Variants in GRB14 observed in about 807,000 individuals in gnomAD.
GRB14 encodes growth factor receptor bound protein 14.
In GRB14, 38 loss-of-function variants were observed where a neutral mutation model predicts 69.1. That is an observed-to-expected ratio of 0.55 (90% CI 0.42 to 0.72). The LOEUF (loss-of-function observed/expected upper bound fraction) is 0.72. GRB14 is among the 30% of genes least tolerant of loss of function. The probability of loss-of-function intolerance (pLI) is 0.00; values close to 1 mark genes in which losing one functional copy is unlikely to be tolerated. For synonymous variants in GRB14, 247 were observed against 241.3 expected (o/e 1.02, Z -0.22); for missense variants, 666 against 666.1 (o/e 1.00, Z 0.00).
At chr2:164,542,922 C>T (rs1433431839) in intron 3 of GRB14, among the ~76,000 whole-genome samples, 1 of 152,182 alleles carries the variant, frequency 6.6e-6, no homozygotes, top group African/African-American at 2.4e-5. Context: ...AAGACACCTG[C>T]ACTCTTACAT....
In GRB14 at chr2:164,525,018, T is replaced by TG. The variant is rs1247386741; in HGVS notation, c.663dup (p.Thr222HisfsTer15). 6.3e-7 allele frequency: 1 copy of TG among 1,580,006 alleles called. No homozygotes were observed. Among genetic ancestry groups the TG allele is most frequent in the African/African-American group, 1.4e-5 (1 of 73,564 alleles). On this transcript the variant is annotated frameshift_variant, in exon 5 of 14. Transcript: ENST00000263915. LOFTEE classifies it high-confidence loss of function. ...ATATATTTTACCTGCAAAATCTGTG[T>TG]GGGGGATATTTCACCATTGGTTTCA...
At chr2:164,517,728 C>A (rs1401201873) in intron 6 of GRB14, among the ~76,000 whole-genome samples, 2 of 151,832 alleles carry the variant, frequency 1.3e-5, no homozygotes, top group Non-Finnish European at 2.9e-5. Flanking sequence ...TTATATCAGA[C>A]AAAACAGACT....
At chr2:164,613,961 A>C (rs1023807750) in intron 2 of GRB14, among the ~76,000 whole-genome samples, 3 of 152,214 alleles carry the variant, frequency 2.0e-5, no homozygotes, top group Admixed American at 2.0e-4. Context: ...AAGAGAAAAA[A>C]ATATAAAAAA....
At chr2:164,620,738 C>G (rs953233749) in intron 1 of GRB14, among the ~76,000 whole-genome samples, 6 of 152,082 alleles carry the variant, frequency 3.9e-5, no homozygotes, top group South Asian at 2.1e-4. Context: ...CGCTGTAAGA[C>G]TCTATGTGGG....
intron 2 of GRB14, among the ~76,000 whole-genome samples, chr2:164,577,201 T>C (rs558001608): frequency 6.6e-6 from 1 of 152,316 alleles, no homozygotes; most frequent in Admixed American, 6.5e-5. Flanking sequence ...GAACAGATCA[T>C]TTCAGTGCTA....
intron 6 of GRB14, among the ~76,000 whole-genome samples, chr2:164,515,495 C>T (rs1286017724): frequency 2.0e-5 from 3 of 152,156 alleles, no homozygotes; most frequent in Non-Finnish European, 4.4e-5. Context: ...CAGGAAGCCA[C>T]ATCCCTAGGG....
intron 3 of GRB14, among the ~76,000 whole-genome samples, chr2:164,531,836 C>T (rs773006741): frequency 1.1e-4 from 17 of 152,148 alleles, no homozygotes; most frequent in Non-Finnish European, 1.8e-4. Flanking sequence ...CAAATCAGAG[C>T]ATAGACTTAG....
At chr2:164,553,170 A>C (rs1159326635) in intron 2 of GRB14, among the ~76,000 whole-genome samples, 1 of 152,198 alleles carries the variant, frequency 6.6e-6, no homozygotes, top group Non-Finnish European at 1.5e-5. Context: ...AAAATGAAAA[A>C]CTAGAGACAT....
At chr2:164,617,750 C>A (rs1443028343) in intron 2 of GRB14, among the ~76,000 whole-genome samples, 1 of 152,164 alleles carries the variant, frequency 6.6e-6, no homozygotes, top group Non-Finnish European at 1.5e-5. Flanking sequence ...CCCGCTACCA[C>A]AACCCCAAAT....
intron 2 of GRB14, among the ~76,000 whole-genome samples, chr2:164,553,641 T>C (rs1262821154): frequency 6.6e-6 from 1 of 152,144 alleles, no homozygotes; most frequent in Non-Finnish European, 1.5e-5. Flanking sequence ...TGTTAAAAAG[T>C]CTCATTTAAT....
Position 164,621,451 on chromosome 2 carries a change from C to A in GRB14, c.-142G>T. 2.8e-6 allele frequency: 1 copy of A among 355,830 alleles called. No homozygotes were observed. Among genetic ancestry groups the A allele is most frequent in the Non-Finnish European group, 3.9e-6 (1 of 253,700 alleles). The allele number at this position is 355,830 out of a possible 1,614,324, so 22.0% of individuals were successfully genotyped here. ...GCCTCGCCGCCTGCGCTCGGGGCCC[C>A]GGCGGCTGAGACGCGCGGCCGAGCT... On this transcript the variant is annotated 5_prime_UTR_variant, in exon 1 of 14. Coordinates refer to ENST00000263915, the MANE Select transcript of GRB14 (RefSeq NM_004490.3). This position sits in a 1 kb window ranked among gnomAD's most constrained non-coding sequence, Gnocchi z 6.0.
chr2:164,553,992 C>T (rs1159993993), intron 2 of GRB14, among the ~76,000 whole-genome samples: 1 of 152,076 alleles, frequency 6.6e-6, no homozygotes, highest in Non-Finnish European at 1.5e-5. Flanking sequence ...GAAAAGACAA[C>T]TGAAGCCTTA....
intron 12 of GRB14, among the ~76,000 whole-genome samples, chr2:164,496,478 C>T (rs78189427): frequency 2.6e-5 from 4 of 152,172 alleles, no homozygotes; most frequent in East Asian, 3.9e-4. Flanking sequence ...ACTCTTTTCA[C>T]GGATCTATAT....
chr2:164,559,884 A>G (rs1177724057), intron 2 of GRB14, among the ~76,000 whole-genome samples: 1 of 152,182 alleles, frequency 6.6e-6, no homozygotes, highest in African/African-American at 2.4e-5. Context: ...TAGTGGTTGT[A>G]CTAGTTTACA....
At chr2:164,596,160 T>G (rs1045582344) in intron 2 of GRB14, among the ~76,000 whole-genome samples, 2 of 152,118 alleles carry the variant, frequency 1.3e-5, no homozygotes, top group Non-Finnish European at 2.9e-5. Flanking sequence ...ATTCTATATT[T>G]GTACTTAAAC....
intron 2 of GRB14, among the ~76,000 whole-genome samples, chr2:164,613,083 C>A (rs1453294681): frequency 6.6e-6 from 1 of 152,140 alleles, no homozygotes; most frequent in Non-Finnish European, 1.5e-5. Flanking sequence ...GACAAGGAAG[C>A]TGAGCATCCC....
At position 164,534,108 on chromosome 2, in the gene GRB14, A is replaced by G. The variant is rs115426394; in HGVS notation, c.482-6973T>C. The stretch of plus-strand genomic sequence containing the variant: ...CCTTCGAAAAAAGATTTCTAGTACT[A>G]TTCTATCAAAAATTCAGATAACATA... On this transcript the variant is annotated intron_variant, in intron 3 of 13. Coordinates refer to ENST00000263915, the MANE Select transcript of GRB14 (RefSeq NM_004490.3). Among the ~76,000 whole-genome samples, 449 of 152,338 alleles carry G rather than the reference A, an allele frequency of 2.9e-3. 1 individual carries two copies. The highest frequency in any genetic ancestry group is 0.01 in the African/African-American group (436 of 41,578).
intron 3 of GRB14, among the ~76,000 whole-genome samples, chr2:164,534,337 G>A (rs1688026456): frequency 6.6e-6 from 1 of 151,994 alleles, no homozygotes; most frequent in South Asian, 2.1e-4. Flanking sequence ...TATGTTAAAG[G>A]ATTAATGTTA....
chr2:164,616,328 A>G (rs1410808964), intron 2 of GRB14, among the ~76,000 whole-genome samples: 1 of 148,094 alleles, frequency 6.8e-6, no homozygotes, highest in Non-Finnish European at 1.5e-5. Context: ...CGGGAGGCTG[A>G]GGCAGGAGAA....
Sources: gnomAD v4.1 joint callset for allele counts (sites outside exome capture counted in the v4.1 genomes callset) on GRCh38, gnomAD v4.1.1 for gene constraint, Gnocchi (gnomAD v3.1) non-coding constraint, MANE v1.5 for transcripts, NCBI Gene and HGNC (gene_info 2026-07-23, HGNC 2026-07-21) for gene names.